SMARCAL1: variants seen among roughly 807,000 people sequenced by gnomAD.
The protein encoded by SMARCAL1 is SNF2 related chromatin remodeling annealing helicase 1.
A neutral mutation model predicts 94.5 loss-of-function variants in SMARCAL1; 58 were observed. That is an observed-to-expected ratio of 0.61 (90% CI 0.50 to 0.76). SMARCAL1 has a LOEUF of 0.76. SMARCAL1 is among the 30% of genes least tolerant of loss of function. SMARCAL1 has a pLI of 0.00. For synonymous variants in SMARCAL1, 422 were observed against 455.1 expected (o/e 0.93, Z 0.93); for missense variants, 1,051 against 1,177.9 (o/e 0.89, Z 1.58).
At chr2:216,416,765 C>T (rs751214088) in intron 4 of SMARCAL1, among the ~76,000 whole-genome samples, 1 of 152,202 alleles carries the variant, frequency 6.6e-6, no homozygotes, top group Non-Finnish European at 1.5e-5. Context: ...CCAGCCCCTG[C>T]TCCCAGGAAG....
Position 216,420,528 on chromosome 2 carries a change from A to T in SMARCAL1, c.1092A>T (p.Arg364Ser). 1 of 1,610,200 alleles carries T rather than the reference A, an allele frequency of 6.2e-7. No homozygotes were observed. Among genetic ancestry groups the T allele is most frequent in the Non-Finnish European group, 8.5e-7 (1 of 1,176,378 alleles). The change falls in exon 5 of 18, where the codon AGA becomes AGT. Residue 364 changes from arginine to serine, a missense_variant. By Grantham distance (110) the Arg-to-Ser change is moderately radical (BLOSUM62 -1). This residue lies in a region of SMARCAL1 where 642 missense variants were observed against 754.7 expected (regional missense o/e 0.85). Coordinates refer to ENST00000357276, the MANE Select transcript of SMARCAL1 (RefSeq NM_014140.4). ...IALFKQMDSR[R>S]YDVKTRKWSF... The stretch of plus-strand genomic sequence containing the variant: ...TTTTTAAACAGATGGATTCCAGAAG[A>T]TATGGCAAGTAATTGGTCTTTGTCT...
At chr2:216,453,824 TC>T (rs1173976112) in intron 12 of SMARCAL1, among the ~76,000 whole-genome samples, 1 of 152,250 alleles carries the variant, frequency 6.6e-6, no homozygotes, top group African/African-American at 2.4e-5. Context: ...GATTCTTTGT[TC>T]CTTCACACCT....
At position 216,420,341 on chromosome 2, in the gene SMARCAL1, T is replaced by C; in HGVS notation, c.905T>C (p.Leu302Pro). ...QSLPTVNLQP[L>P]EWAYGSSESP... is the part of the protein sequence containing the mutation. ...CTCCCCACGGTCAACCTGCAGCCTC[T>C]GGAATGGGCCTATGGCAGCAGCGAG... is the stretch of plus-strand genomic sequence containing the variant. Residue 302 changes from leucine to proline, a missense_variant, in exon 5 of 18, where the codon CTG becomes CCG. Around this residue, in one of 3 missense-constraint regions of SMARCAL1, gnomAD observed 398 missense variants for 395.2 expected, o/e 1.01. Coordinates refer to ENST00000357276, the MANE Select transcript of SMARCAL1 (RefSeq NM_014140.4). The C allele has an allele frequency of 6.2e-7, 1 of 1,614,162 alleles. No homozygotes were observed. Among genetic ancestry groups the C allele is most frequent in the Non-Finnish European group, 8.5e-7 (1 of 1,180,020 alleles).
Position 216,414,985 on chromosome 2 carries a change from C to A in SMARCAL1, c.281C>A (p.Ala94Glu). ...QRPHDSHSFQAKGIWKKPEEM... is the reference protein window; with the variant it reads ...QRPHDSHSFQEKGIWKKPEEM... ...CCTCATGATTCCCACAGTTTTCAGGCAAAGGGAATATGGAAAAAGCCAGAA... is the reference window on the plus strand; with the variant it reads ...CCTCATGATTCCCACAGTTTTCAGGAAAAGGGAATATGGAAAAAGCCAGAA... Residue 94 changes from alanine to glutamate, a missense_variant, in exon 3 of 18, where the codon GCA becomes GAA. Ala to Glu is a moderately radical substitution (Grantham distance 107, BLOSUM62 -1). This residue lies in a region of SMARCAL1 where 398 missense variants were observed against 395.2 expected (regional missense o/e 1.01). Coordinates refer to ENST00000357276, the MANE Select transcript of SMARCAL1 (RefSeq NM_014140.4). The A allele has an allele frequency of 6.2e-7, 1 of 1,614,198 alleles. No individual in the cohort carries two copies. Among genetic ancestry groups the A allele is most frequent in the Non-Finnish European group, 8.5e-7 (1 of 1,180,040 alleles).
chr2:216,451,020 G>T lies in SMARCAL1; in HGVS notation c.2026G>T (p.Ala676Ser). 1 of 1,614,218 alleles carries T rather than the reference G, an allele frequency of 6.2e-7. No individual in the cohort carries two copies. Among genetic ancestry groups the T allele is most frequent in the Non-Finnish European group, 8.5e-7 (1 of 1,180,042 alleles). ...ACGGATCAATGCCAGGACCAGAGCT[G>T]CCCTGGATGCTGCAGCCAAGGAAAT... Reference protein sequence around the residue: ...PGRINARTRAALDAAAKEMTT... With the variant: ...PGRINARTRASLDAAAKEMTT... The change falls in exon 12 of 18, where the codon GCC (alanine) becomes TCC (serine). Residue 676 changes from alanine (A) to serine (S), a missense_variant. Transcript: ENST00000357276.
At chr2:216,437,799 ATG>A (rs1347894340) in intron 9 of SMARCAL1, among the ~76,000 whole-genome samples, 1 of 152,206 alleles carries the variant, frequency 6.6e-6, no homozygotes, top group African/African-American at 2.4e-5. Context: ...ATATATATAT[ATG>A]TATGTATTTG....
At chr2:216,473,303 T>C (rs1695005296) in intron 14 of SMARCAL1, among the ~76,000 whole-genome samples, 1 of 152,122 alleles carries the variant, frequency 6.6e-6, no homozygotes, top group African/African-American at 2.4e-5. Context: ...ACTTTTTTTT[T>C]TTGAGATTTA....
intron 12 of SMARCAL1, among the ~76,000 whole-genome samples, chr2:216,455,784 T>C (rs1392352696): frequency 6.6e-6 from 1 of 152,126 alleles, no homozygotes; most frequent in African/African-American, 2.4e-5. Flanking sequence ...ATTCTAAAAA[T>C]CAGAGTGCCT....
At chr2:216,451,282 C>A (rs555647165) in intron 12 of SMARCAL1, 9 of 555,298 alleles carry the variant, frequency 1.6e-5, no homozygotes, top group Admixed American at 2.8e-5. Context: ...TTGTATAGAT[C>A]GCTGTTGATG....
chr2:216,429,271 A>G (rs2738282), intron 7 of SMARCAL1, among the ~76,000 whole-genome samples: 43,035 of 152,038 alleles, frequency 0.28, 6,724 homozygotes, highest in East Asian at 0.41. Context: ...TCTGGTACCA[A>G]TGTTGGAGCC....
intron 11 of SMARCAL1, 48 bp from the exon 12 acceptor site, chr2:216,450,798 G>A: frequency 1.3e-6 from 2 of 1,486,442 alleles, no homozygotes; most frequent in African/African-American, 1.4e-5. Flanking sequence ...CTGTTGGACT[G>A]GGCCTGAAAG....
chr2:216,444,724 C>T (rs1349525227), intron 10 of SMARCAL1, among the ~76,000 whole-genome samples: 1 of 152,172 alleles, frequency 6.6e-6, no homozygotes, highest in Non-Finnish European at 1.5e-5. Context: ...ACCATGTTGG[C>T]CAGGTTGGTC....
At chr2:216,437,899 C>T (rs1000605678) in intron 9 of SMARCAL1, among the ~76,000 whole-genome samples, 1 of 152,154 alleles carries the variant, frequency 6.6e-6, no homozygotes, top group African/African-American at 2.4e-5. Flanking sequence ...GTCTTCTTTC[C>T]GTCTCTCAGT....
At chr2:216,413,382 A>G (rs1355032512) in intron 1 of SMARCAL1, among the ~76,000 whole-genome samples, 1 of 152,240 alleles carries the variant, frequency 6.6e-6, no homozygotes, top group Non-Finnish European at 1.5e-5. Context: ...GTCTCAGCTC[A>G]TAGGAAAATA....
At position 216,477,178 on chromosome 2, in the gene SMARCAL1, G is replaced by A. The variant is rs756015461; in HGVS notation, c.2497G>A (p.Val833Met). ...QTSSVGIHYL[V>M]AKGTADDYLW... ...CAGCTCCGTGGGCATTCACTACCTCGTGGCAAAGGGCACAGCTGATGACTA... is the reference window on the plus strand; with the variant it reads ...CAGCTCCGTGGGCATTCACTACCTCATGGCAAAGGGCACAGCTGATGACTA... The change falls in exon 16 of 18, where the codon GTG becomes ATG. Residue 833 changes from valine to methionine, a missense_variant. Around this residue, in one of 3 missense-constraint regions of SMARCAL1, gnomAD observed 642 missense variants for 754.7 expected, o/e 0.85. Coordinates refer to ENST00000357276, the MANE Select transcript of SMARCAL1 (RefSeq NM_014140.4). 30 of 1,598,026 alleles carry A rather than the reference G, an allele frequency of 1.9e-5. No individual in the cohort carries two copies. Among genetic ancestry groups the A allele is most frequent in the African/African-American group, 2.7e-5 (2 of 74,730 alleles).
At position 216,480,501 on chromosome 2, in the gene SMARCAL1, T is replaced by C. The variant is rs144442184; in HGVS notation, c.2625+2202T>C. Among the ~76,000 whole-genome samples the C allele has an allele frequency of 2.4e-3, 364 of 152,320 alleles. 5 individuals carry two copies. The South Asian group carries it at 0.041, about 17-fold the overall frequency. On this transcript the variant is annotated intron_variant, in intron 17 of 17. Coordinates refer to ENST00000357276, the MANE Select transcript of SMARCAL1 (RefSeq NM_014140.4). ...TTGCAGGGTGGCGTTTCCTTGACAT[T>C]GCAGTCATTCAGAAAGAGGCTGATG... is the stretch of plus-strand genomic sequence containing the variant.
At chr2:216,435,928 C>A (rs1694072651) in intron 9 of SMARCAL1, among the ~76,000 whole-genome samples, 2 of 152,162 alleles carry the variant, frequency 1.3e-5, no homozygotes, top group Admixed American at 6.5e-5. Context: ...ACCCCCACCC[C>A]ACAAAAGCAC....
chr2:216,439,147 C>T (rs781620891), intron 10 of SMARCAL1, among the ~76,000 whole-genome samples: 6 of 152,002 alleles, frequency 3.9e-5, no homozygotes, highest in Non-Finnish European at 7.4e-5. Flanking sequence ...AGTGCTTTGG[C>T]GGGTGTGAGT....
chr2:216,414,612 A>G, intron 2 of SMARCAL1, 35 bp from the exon 3 acceptor site: 1 of 1,066,916 alleles, frequency 9.4e-7, no homozygotes, highest in Non-Finnish European at 1.4e-6. Context: ...TAATACATGT[A>G]ATGTTCATTT....
Sources: gnomAD v4.1 joint callset for allele counts (sites outside exome capture counted in the v4.1 genomes callset) on GRCh38, gnomAD v4.1.1 for gene constraint, gnomAD v4.1.1 regional missense constraint, MANE v1.5 for transcripts, NCBI Gene and HGNC (gene_info 2026-07-23, HGNC 2026-07-21) for gene names.